The following COG5 variants were observed in gnomAD, a reference collection of about 807,000 sequenced individuals.
COG5 encodes component of oligomeric golgi complex 5, also known as conserved oligomeric Golgi complex subunit 5.
Under a neutral mutation model 110.4 loss-of-function variants are expected in COG5, and 86 were observed. The observed-to-expected ratio is 0.78, with a 90% CI of 0.65 to 0.93. The LOEUF (loss-of-function observed/expected upper bound fraction) is 0.93. Ranked by LOEUF, COG5 falls within the 40% of genes least tolerant of loss-of-function variation. The probability of loss-of-function intolerance (pLI) is 0.00; values close to 1 mark genes in which losing one functional copy is unlikely to be tolerated. For synonymous variants in COG5, 360 were observed against 334.6 expected, an observed-to-expected ratio of 1.08 and a Z score of -0.83; for missense variants, 1,077 against 987.0, an observed-to-expected ratio of 1.09 and a Z score of -1.22.
At chr7:107,502,565 G>A (rs1798705352) in intron 6 of COG5, among the ~76,000 whole-genome samples, 3 of 152,016 alleles carry the variant, frequency 2.0e-5, no homozygotes, top group African/African-American at 7.2e-5. Context: ...TTGAATGGTA[G>A]ATCTACTTTT....
intron 10 of COG5, among the ~76,000 whole-genome samples, chr7:107,360,519 C>G (rs1813017091): frequency 6.6e-6 from 1 of 152,200 alleles, no homozygotes; most frequent in African/African-American, 2.4e-5. Context: ...TAGATGCACC[C>G]CGAGCCAGGG....
At chr7:107,211,065 C>G in intron 20 of COG5, 34 bp downstream of exon 20, 1 of 1,612,526 alleles carries the variant, frequency 6.2e-7, no homozygotes, top group South Asian at 1.1e-5. Flanking sequence ...TGGGAAGAGT[C>G]ACAAAAGGGT....
intron 19 of COG5, among the ~76,000 whole-genome samples, chr7:107,222,792 T>C (rs1562919688): frequency 6.6e-6 from 1 of 152,182 alleles, no homozygotes; most frequent in Admixed American, 6.5e-5. Flanking sequence ...AATGCCACAA[T>C]ATCATTCTTA....
In COG5 at chr7:107,561,033, G is replaced by A. The variant is rs1584969277; in HGVS notation, c.94+2770C>T. Among the ~76,000 whole-genome samples, 3 of 152,036 alleles carry A rather than the reference G, an allele frequency of 2.0e-5. No individual in the cohort carries two copies. In the East Asian group the frequency reaches 5.8e-4, roughly 29 times the overall value. The stretch of plus-strand genomic sequence containing the variant: ...TCAAAGAGACTAAAGAGTGCTCAGG[G>A]AGAAAGAGAAACAAAAAAGAATGGC... On this transcript the variant is annotated intron_variant, in intron 1 of 21. Transcript: ENST00000297135.
chr7:107,482,661 T>C (rs531834747), intron 6 of COG5, among the ~76,000 whole-genome samples: 2 of 152,250 alleles, frequency 1.3e-5, no homozygotes, highest in South Asian at 2.1e-4. Context: ...TTGGATTATA[T>C]ATACTATAAT....
At chr7:107,325,852 A>C (rs772786236) in intron 10 of COG5, among the ~76,000 whole-genome samples, 1 of 152,306 alleles carries the variant, frequency 6.6e-6, no homozygotes, top group Non-Finnish European at 1.5e-5. Flanking sequence ...AATAAGTCTT[A>C]TGGTTGTAAA....
chr7:107,320,196 T>C (rs1809137682), intron 11 of COG5, among the ~76,000 whole-genome samples: 1 of 152,146 alleles, frequency 6.6e-6, no homozygotes, highest in Non-Finnish European at 1.5e-5. Context: ...TTTTGTTATA[T>C]AAATAGTAGA....
intron 11 of COG5, 63 bp from the exon 12 acceptor site, chr7:107,298,409 C>A: frequency 7.3e-7 from 1 of 1,365,104 alleles, no homozygotes; most frequent in East Asian, 2.5e-5. Context: ...GTTTCTTTTG[C>A]ATATGAAGAT....
chr7:107,250,699 A>G (rs941314531), intron 16 of COG5, among the ~76,000 whole-genome samples: 3 of 152,152 alleles, frequency 2.0e-5, no homozygotes, highest in African/African-American at 4.8e-5. Context: ...ATGTAAAAAA[A>G]AAGTTATATT....
chr7:107,364,059 G>A (rs187653815), intron 8 of COG5, among the ~76,000 whole-genome samples: 1 of 152,164 alleles, frequency 6.6e-6, no homozygotes, highest in East Asian at 1.9e-4. Flanking sequence ...GTATTACAAG[G>A]AGCACTCTGG....
intron 6 of COG5, among the ~76,000 whole-genome samples, chr7:107,508,784 C>G (rs932574496): frequency 1.3e-5 from 2 of 152,186 alleles, no homozygotes; most frequent in East Asian, 3.9e-4. Context: ...CCCAGGCAAA[C>G]AGGGTCTGGA....
chr7:107,215,431 G>C (rs1799451430), intron 19 of COG5, among the ~76,000 whole-genome samples: 1 of 152,134 alleles, frequency 6.6e-6, no homozygotes. Flanking sequence ...ACTTTGGGAG[G>C]CCGTGGTGGG....
intron 8 of COG5, among the ~76,000 whole-genome samples, chr7:107,365,945 A>G (rs1184664736): frequency 1.3e-5 from 2 of 152,162 alleles, no homozygotes; most frequent in Non-Finnish European, 2.9e-5. Flanking sequence ...CTATTCTTCA[A>G]TGAATAGCTA....
At chr7:107,290,033 A>C (rs140682201) in intron 12 of COG5, among the ~76,000 whole-genome samples, 14 of 152,282 alleles carry the variant, frequency 9.2e-5, no homozygotes, top group Admixed American at 3.3e-4. Flanking sequence ...GCTTATCTTC[A>C]CATATAGGTA....
intron 12 of COG5, among the ~76,000 whole-genome samples, chr7:107,295,803 A>G (rs1472600719): frequency 6.6e-6 from 1 of 151,844 alleles, no homozygotes; most frequent in Non-Finnish European, 1.5e-5. Flanking sequence ...TATTTTATTT[A>G]TTTTTTGAGA....
At chr7:107,409,045 T>C (rs1363003403) in intron 7 of COG5, among the ~76,000 whole-genome samples, 2 of 150,764 alleles carry the variant, frequency 1.3e-5, no homozygotes, top group African/African-American at 2.4e-5. Flanking sequence ...CTATAAAGAT[T>C]TGGTGTTTAC....
intron 17 of COG5, among the ~76,000 whole-genome samples, chr7:107,237,637 C>G (rs1485716877): frequency 1.3e-5 from 2 of 152,120 alleles, no homozygotes; most frequent in Admixed American, 1.3e-4. Context: ...ACCAGAGGTC[C>G]GTCACTTTCA....
chr7:107,514,252 A>G (rs554119689), intron 6 of COG5, among the ~76,000 whole-genome samples: 10 of 151,996 alleles, frequency 6.6e-5, no homozygotes, highest in African/African-American at 1.4e-4. Flanking sequence ...GCTTTAAAAT[A>G]GAATATTAAG....
chr7:107,557,904 A>G, intron 2 of COG5, 72 bp downstream of exon 2: 1 of 1,523,338 alleles, frequency 6.6e-7, no homozygotes, highest in South Asian at 1.1e-5. Flanking sequence ...TTTGTATTTA[A>G]TAAGATTACA....
Sources: allele counts gnomAD v4.1 joint callset (sites outside exome capture counted in the v4.1 genomes callset), GRCh38; gene constraint gnomAD v4.1.1; transcripts MANE v1.5; gene names NCBI Gene and HGNC (gene_info 2026-07-23, HGNC 2026-07-21).